The following GSTCD variants were observed in gnomAD, a reference collection of about 807,000 sequenced individuals.
The protein encoded by GSTCD is glutathione S-transferase C-terminal domain containing.
GSTCD carries 44 observed loss-of-function variants against 68.3 expected under a neutral mutation model. The observed-to-expected ratio is 0.64, with a 90% confidence interval of 0.51 to 0.83. The LOEUF is 0.83. Among genes scored for constraint, GSTCD ranks in the 40% least tolerant of loss-of-function variants. GSTCD has a pLI of 0.00. For missense variants in GSTCD, 739 were observed against 735.9 expected, an observed-to-expected ratio of 1.00 and a Z score of -0.05; for synonymous variants, 273 against 255.2, an observed-to-expected ratio of 1.07 and a Z score of -0.67.
chr4:105,810,425 C>G (rs1470774738), intron 5 of GSTCD, among the ~76,000 whole-genome samples: 1 of 152,052 alleles, frequency 6.6e-6, no homozygotes, highest in Non-Finnish European at 1.5e-5. Flanking sequence ...TAAATGCCCT[C>G]ATGCTACCAT....
At position 105,845,566 on chromosome 4, in the gene GSTCD, G is replaced by A; in HGVS notation, c.1891G>A (p.Val631Ile). The A allele has an allele frequency of 6.2e-7, 1 of 1,614,042 alleles. No individual in the cohort carries two copies. The change falls in exon 12 of 12, where the codon GTC becomes ATC. Residue 631 changes from valine (V) to isoleucine (I), a missense_variant. Coordinates refer to ENST00000515279, the MANE Select transcript of GSTCD (RefSeq NM_001370181.1). ...CSPKNNMIVGVPI is the reference protein window; with the variant it reads ...CSPKNNMIVGIPI ...TCCCAAAAATAACATGATTGTGGGA[G>A]TCCCCATTTAAAATGAGATATTCAC...
intron 5 of GSTCD, among the ~76,000 whole-genome samples, chr4:105,734,420 G>T (rs1182347957): frequency 6.6e-6 from 1 of 151,996 alleles, no homozygotes; most frequent in Non-Finnish European, 1.5e-5. Context: ...TTCTCTTCTT[G>T]CTTCATTTCA....
At chr4:105,765,747 TG>T (rs1368692329) in intron 5 of GSTCD, among the ~76,000 whole-genome samples, 1 of 152,168 alleles carries the variant, frequency 6.6e-6, no homozygotes, top group East Asian at 1.9e-4. Context: ...ATCATGGGGC[TG>T]GTTCCCCCAT....
intron 8 of GSTCD, among the ~76,000 whole-genome samples, chr4:105,826,810 A>G (rs942186817): frequency 3.3e-5 from 5 of 152,140 alleles, no homozygotes; most frequent in Non-Finnish European, 5.9e-5. Flanking sequence ...TCTTACTGAC[A>G]TCCTTTCTAA....
At chr4:105,760,999 T>C in intron 5 of GSTCD, 1 of 157,278 alleles carries the variant, frequency 6.4e-6, no homozygotes, top group Non-Finnish European at 1.3e-5. Flanking sequence ...TTTTTTAATT[T>C]TTTTTTTTTT....
At chr4:105,794,272 A>G (rs1260422247) in intron 5 of GSTCD, among the ~76,000 whole-genome samples, 1 of 152,080 alleles carries the variant, frequency 6.6e-6, no homozygotes, top group Non-Finnish European at 1.5e-5. Flanking sequence ...AGAGATGAAC[A>G]GGTGGAGCAC....
At chr4:105,805,030 A>T (rs1722435189) in intron 5 of GSTCD, among the ~76,000 whole-genome samples, 2 of 152,106 alleles carry the variant, frequency 1.3e-5, no homozygotes, top group Non-Finnish European at 2.9e-5. Flanking sequence ...TTCATATTAC[A>T]GCTATTATAT....
intron 3 of GSTCD, among the ~76,000 whole-genome samples, chr4:105,725,224 C>T (rs971844161): frequency 6.6e-6 from 1 of 151,862 alleles, no homozygotes; most frequent in African/African-American, 2.4e-5. Context: ...ATAGCTGTAC[C>T]ACAGTTTATC....
At chr4:105,778,930 A>G (rs970726555) in intron 5 of GSTCD, among the ~76,000 whole-genome samples, 12 of 152,078 alleles carry the variant, frequency 7.9e-5, no homozygotes, top group African/African-American at 2.2e-4. Context: ...TCTCTGTCTG[A>G]ACTATGTGAA....
chr4:105,740,230 A>C (rs1375654753), intron 5 of GSTCD, among the ~76,000 whole-genome samples: 1 of 151,914 alleles, frequency 6.6e-6, no homozygotes, highest in African/African-American at 2.4e-5. Context: ...CAGCTCCCTC[A>C]GCTGGGCTTA....
At chr4:105,740,596 T>G (rs1733602065) in intron 5 of GSTCD, among the ~76,000 whole-genome samples, 1 of 152,302 alleles carries the variant, frequency 6.6e-6, no homozygotes, top group South Asian at 2.1e-4. Context: ...TAGGGGCTTC[T>G]TAAGCACAGA....
At chr4:105,839,437 C>T (rs1724250098) in intron 10 of GSTCD, among the ~76,000 whole-genome samples, 1 of 152,182 alleles carries the variant, frequency 6.6e-6, no homozygotes, top group Non-Finnish European at 1.5e-5. Context: ...GAGTTCAAGA[C>T]CAGCCTGACC....
At chr4:105,714,342 A>T (rs1311877517) in intron 1 of GSTCD, among the ~76,000 whole-genome samples, 1 of 152,156 alleles carries the variant, frequency 6.6e-6, no homozygotes, top group Non-Finnish European at 1.5e-5. Context: ...GAGTAACAAG[A>T]GCTGTGCCGC....
At chr4:105,774,623 T>C (rs1734982440) in intron 5 of GSTCD, among the ~76,000 whole-genome samples, 1 of 152,218 alleles carries the variant, frequency 6.6e-6, no homozygotes, top group Admixed American at 6.5e-5. Context: ...TTAGTTTGGC[T>C]GGATATGAAA....
At chr4:105,743,398 C>T (rs7685231) in intron 5 of GSTCD, among the ~76,000 whole-genome samples, 122,790 of 152,022 alleles carry the variant, frequency 0.81, 49,968 homozygotes, top group East Asian at 0.9. Flanking sequence ...TTTTATTAAA[C>T]TGAATGACTT....
chr4:105,752,597 A>G (rs1397528977), intron 5 of GSTCD, among the ~76,000 whole-genome samples: 1 of 152,066 alleles, frequency 6.6e-6, no homozygotes, highest in Non-Finnish European at 1.5e-5. Flanking sequence ...TTTTGTGTCT[A>G]TAGGAAATGA....
At chr4:105,711,000 C>G (rs1351803138) in intron 1 of GSTCD, 1 of 152,122 alleles carries the variant, frequency 6.6e-6, no homozygotes, top group Non-Finnish European at 1.5e-5. Flanking sequence ...TTGAAAAAAT[C>G]TCAGTGTTTT....
intron 11 of GSTCD, among the ~76,000 whole-genome samples, chr4:105,843,188 C>G (rs1724424859): frequency 6.6e-6 from 1 of 152,168 alleles, no homozygotes; most frequent in African/African-American, 2.4e-5. Context: ...GGCAGCATAG[C>G]AAGATGCTCA....
chr4:105,736,480 C>G (rs1478113170), intron 5 of GSTCD, among the ~76,000 whole-genome samples: 1 of 151,940 alleles, frequency 6.6e-6, no homozygotes, highest in Non-Finnish European at 1.5e-5. Context: ...TTCATTGACA[C>G]ATAGTAATTG....
Sources: gnomAD v4.1 joint callset for allele counts (sites outside exome capture counted in the v4.1 genomes callset) on GRCh38, gnomAD v4.1.1 for gene constraint, MANE v1.5 for transcripts, NCBI Gene and HGNC (gene_info 2026-07-23, HGNC 2026-07-21) for gene names.